SP4: variants seen among roughly 807,000 people sequenced by gnomAD.
SP4 encodes the protein transcription factor Sp4.
A neutral mutation model predicts 72.8 loss-of-function variants in SP4; 19 were observed. The observed-to-expected ratio is 0.26, with a 90% CI of 0.18 to 0.38. The LOEUF is 0.38. SP4 is among the 10% of genes least tolerant of loss of function. The probability of loss-of-function intolerance (pLI) is 1.00; values close to 1 mark genes in which losing one functional copy is unlikely to be tolerated. For missense variants in SP4, 1,008 were observed against 926.3 expected, an observed-to-expected ratio of 1.09 and a Z score of -1.14; for synonymous variants, 395 against 333.1, an observed-to-expected ratio of 1.19 and a Z score of -2.02.
intron 3 of SP4, among the ~76,000 whole-genome samples, chr7:21,475,765 A>G (rs2237305): frequency 0.21 from 32,055 of 152,160 alleles, 3,488 homozygotes; most frequent in Middle Eastern, 0.42. Flanking sequence ...AACTCAGCAG[A>G]GATGAATTGG....
intron 5 of SP4, among the ~76,000 whole-genome samples, chr7:21,504,590 A>T (rs1035667291): frequency 2.0e-5 from 3 of 152,150 alleles, no homozygotes; most frequent in Non-Finnish European, 2.9e-5. Context: ...TTATTCTATG[A>T]TATCTAAGCA....
At chr7:21,489,382 G>A (rs1185021162) in intron 5 of SP4, among the ~76,000 whole-genome samples, 2 of 151,888 alleles carry the variant, frequency 1.3e-5, no homozygotes, top group Non-Finnish European at 2.9e-5. Flanking sequence ...ACGCAGTGAT[G>A]TGATCATAGC....
intron 3 of SP4, among the ~76,000 whole-genome samples, chr7:21,452,828 G>C (rs952940709): frequency 2.7e-5 from 4 of 150,674 alleles, no homozygotes; most frequent in African/African-American, 9.8e-5. Context: ...TGTCACCCAG[G>C]CTGGAGTGCA....
At chr7:21,499,264 C>T (rs909639869) in intron 5 of SP4, among the ~76,000 whole-genome samples, 4 of 151,924 alleles carry the variant, frequency 2.6e-5, no homozygotes, top group African/African-American at 4.8e-5. Flanking sequence ...TAAAAATGTC[C>T]CTTTAGTGGG....
At chr7:21,443,403 G>A (rs1433493961) in intron 3 of SP4, among the ~76,000 whole-genome samples, 2 of 152,226 alleles carry the variant, frequency 1.3e-5, no homozygotes, top group African/African-American at 2.4e-5. Flanking sequence ...TGTTTTGGTA[G>A]ACAGTTGAAG....
At chr7:21,501,169 A>G (rs1038313232) in intron 5 of SP4, among the ~76,000 whole-genome samples, 3 of 152,120 alleles carry the variant, frequency 2.0e-5, no homozygotes, top group Admixed American at 6.6e-5. Context: ...CGATTTCCCA[A>G]TAATGAAACT....
intron 3 of SP4, among the ~76,000 whole-genome samples, chr7:21,466,467 T>A (rs1784171402): frequency 6.6e-6 from 1 of 152,184 alleles, no homozygotes; most frequent in East Asian, 1.9e-4. Context: ...TCCCAGGTCC[T>A]CAAAGGAAGA....
chr7:21,510,836 G>A (rs540619869), intron 5 of SP4, among the ~76,000 whole-genome samples, 186 bp from the exon 6 acceptor site: 7 of 152,174 alleles, frequency 4.6e-5, no homozygotes, highest in South Asian at 2.1e-4. Context: ...AGGTCTTTTC[G>A]TCTCAATCAC....
intron 5 of SP4, among the ~76,000 whole-genome samples, chr7:21,502,100 C>T (rs1432610233): frequency 1.5e-5 from 2 of 129,410 alleles, no homozygotes; most frequent in African/African-American, 3.0e-5. Context: ...AAAGATACGT[C>T]AAATCTCTCC....
At chr7:21,466,949 G>T (rs1009305234) in intron 3 of SP4, among the ~76,000 whole-genome samples, 3 of 152,032 alleles carry the variant, frequency 2.0e-5, no homozygotes, top group African/African-American at 7.2e-5. Flanking sequence ...AGTTTTTATA[G>T]GGATCACACA....
At chr7:21,483,051 A>G (rs1784729080) in intron 5 of SP4, among the ~76,000 whole-genome samples, 1 of 152,124 alleles carries the variant, frequency 6.6e-6, no homozygotes, top group African/African-American at 2.4e-5. Context: ...GAGTCTCTAC[A>G]GTGGCTATTT....
intron 5 of SP4, chr7:21,482,798 A>T: frequency 1.0e-6 from 1 of 969,764 alleles, no homozygotes; most frequent in African/African-American, 1.8e-5. Context: ...TATAAATTTC[A>T]CTTGTTTTGA....
At chr7:21,439,936 G>C (rs527962924) in intron 3 of SP4, among the ~76,000 whole-genome samples, 1 of 152,270 alleles carries the variant, frequency 6.6e-6, no homozygotes, top group East Asian at 1.9e-4. Flanking sequence ...AAATGTTTAA[G>C]ACGCAAGAAT....
chr7:21,494,095 C>G (rs1785047293), intron 5 of SP4, among the ~76,000 whole-genome samples: 1 of 152,150 alleles, frequency 6.6e-6, no homozygotes, highest in Non-Finnish European at 1.5e-5. Context: ...GCATATATTT[C>G]TGTAAAAATT....
At chr7:21,433,679 G>A (rs954927843) in intron 3 of SP4, among the ~76,000 whole-genome samples, 10 of 152,194 alleles carry the variant, frequency 6.6e-5, no homozygotes, top group African/African-American at 1.9e-4. Context: ...AGTGGCACAC[G>A]CCTGTAATCC....
At chr7:21,467,799 C>T (rs1380739120) in intron 3 of SP4, among the ~76,000 whole-genome samples, 1 of 151,986 alleles carries the variant, frequency 6.6e-6, no homozygotes, top group African/African-American at 2.4e-5. Flanking sequence ...TCCCACTGCC[C>T]CCCATGGCAA....
chr7:21,467,775 C>G (rs1046087634), intron 3 of SP4, among the ~76,000 whole-genome samples: 1 of 152,014 alleles, frequency 6.6e-6, no homozygotes, highest in Non-Finnish European at 1.5e-5. Flanking sequence ...TAGTATTATT[C>G]AGAACAGAAA....
chr7:21,480,259 A>G (rs1161913100), intron 4 of SP4, among the ~76,000 whole-genome samples: 1 of 152,174 alleles, frequency 6.6e-6, no homozygotes, highest in Non-Finnish European at 1.5e-5. Context: ...GGTAATGATA[A>G]TACTGGCTTC....
intron 4 of SP4, among the ~76,000 whole-genome samples, chr7:21,479,467 T>C (rs567513249): frequency 2.4e-4 from 37 of 152,324 alleles, no homozygotes; most frequent in African/African-American, 8.4e-4. Context: ...TTCTGGACTT[T>C]CAGTTGTATT....
Sources: allele counts gnomAD v4.1 joint callset (sites outside exome capture counted in the v4.1 genomes callset), GRCh38; gene constraint gnomAD v4.1.1; transcripts MANE v1.5; gene names NCBI Gene and HGNC (gene_info 2026-07-23, HGNC 2026-07-21).